The following FAM234B variants were observed in gnomAD, a reference collection of about 807,000 sequenced individuals.
FAM234B encodes the protein protein FAM234B.
In FAM234B, 33 loss-of-function variants were observed where a neutral mutation model predicts 69.3. The ratio of observed to expected loss-of-function variants is 0.48; its 90% CI spans 0.36 to 0.64. The LOEUF (loss-of-function observed/expected upper bound fraction) is 0.64, where lower values mean the gene tolerates loss of function less well. Ranked by LOEUF, FAM234B falls within the 30% of genes least tolerant of loss-of-function variation. The pLI is 0.00. For synonymous variants in FAM234B, 306 were observed against 306.9 expected (o/e 1.00, Z 0.03); for missense variants, 697 against 769.7 (o/e 0.91, Z 1.12).
At chr12:13,069,531 C>T (rs557289529) in intron 9 of FAM234B, among the ~76,000 whole-genome samples, 4 of 152,176 alleles carry the variant, frequency 2.6e-5, no homozygotes, top group South Asian at 2.1e-4. Flanking sequence ...CTCTACCATG[C>T]GGTGGAAAGT....
chr12:13,074,394 C>T (rs935497658), intron 10 of FAM234B, among the ~76,000 whole-genome samples: 1 of 152,070 alleles, frequency 6.6e-6, no homozygotes, highest in Non-Finnish European at 1.5e-5. Context: ...TTAATTTTGC[C>T]TAGGGTAATA....
At position 13,075,433 on chromosome 12, in the gene FAM234B, C is replaced by CTTT. The variant is rs59012504; in HGVS notation, c.1525-580_1525-578dup. 3.1e-3 allele frequency among the ~76,000 whole-genome samples: 422 copies of CTTT among 137,464 alleles called. 2 individuals carry two copies. Among genetic ancestry groups the CTTT allele is most frequent in the Admixed American group, 4.5e-3 (61 of 13,660 alleles). The allele number at this position is 137,464 out of a possible 152,430, so 90.2% of individuals were successfully genotyped here. A position where few individuals can be genotyped will look rare whatever the true frequency, so the allele number is the denominator to read the frequency against. ...TGTACATTGCCTTTTCTTTTCTTTT[C>CTTT]TTTTTTTTTTTTTTTATTTTTTGAG... On this transcript the variant is annotated intron_variant, in intron 10 of 12. Coordinates refer to ENST00000197268, the MANE Select transcript of FAM234B (RefSeq NM_020853.2).
intron 2 of FAM234B, among the ~76,000 whole-genome samples, chr12:13,056,448 T>C (rs1275721221): frequency 6.6e-6 from 1 of 152,232 alleles, no homozygotes; most frequent in Non-Finnish European, 1.5e-5. Flanking sequence ...GCTGTCTGAG[T>C]AATTCCAGCT....
chr12:13,069,315 T>C (rs1865076354), intron 9 of FAM234B, among the ~76,000 whole-genome samples: 1 of 152,206 alleles, frequency 6.6e-6, no homozygotes, highest in Admixed American at 6.5e-5. Flanking sequence ...ACAGCAGAAT[T>C]ACAGAGTTAC....
intron 5 of FAM234B, among the ~76,000 whole-genome samples, chr12:13,063,487 A>G (rs373248176): frequency 3.3e-4 from 51 of 152,354 alleles, no homozygotes; most frequent in African/African-American, 1.1e-3. Flanking sequence ...TTCATAAAAG[A>G]TACATAGGAA....
chr12:13,056,038 T>C, intron 2 of FAM234B, 92 bp downstream of exon 2: 1 of 1,324,930 alleles, frequency 7.5e-7, no homozygotes, highest in South Asian at 1.6e-5. Context: ...AAACTTAATA[T>C]GTGTCATGCG....
At chr12:13,061,806 A>G in intron 4 of FAM234B, 43 bp downstream of exon 4, 1 of 1,565,622 alleles carries the variant, frequency 6.4e-7, no homozygotes, top group Non-Finnish European at 8.7e-7. Flanking sequence ...CCTACGAGCC[A>G]TACTTTTGGA....
At chr12:13,063,472 C>G (rs1865006182) in intron 5 of FAM234B, among the ~76,000 whole-genome samples, 1 of 152,004 alleles carries the variant, frequency 6.6e-6, no homozygotes, top group South Asian at 2.1e-4. Context: ...CAGGCTGATA[C>G]AAAGTTCATA....
In FAM234B at chr12:13,080,494, G is replaced by C. The variant is rs1865212836; in HGVS notation, c.1864-131G>C. 6 of 697,466 alleles carry C rather than the reference G, an allele frequency of 8.6e-6. No individual in the cohort carries two copies. The South Asian group carries it at 1.2e-4, about 13-fold the overall frequency. The allele number at this position is 697,466 out of a possible 1,614,324, so 43.2% of individuals were successfully genotyped here. On this transcript the variant is annotated intron_variant, in intron 12 of 12. Coordinates refer to ENST00000197268, the MANE Select transcript of FAM234B (RefSeq NM_020853.2). ...CTGGGCCTTTCTGGAAGGAGGAAAT[G>C]TTTACAGACTATTGGAGCTAAAGAA...
intron 1 of FAM234B, among the ~76,000 whole-genome samples, chr12:13,046,615 A>G (rs973456556): frequency 2.6e-5 from 4 of 151,994 alleles, no homozygotes; most frequent in Non-Finnish European, 4.4e-5. Flanking sequence ...CATGCACCAC[A>G]ATGCCCAGCT....
rs3736209 is a variant in FAM234B, at chr12:13,076,372, C to T, written c.1642+229C>T. Among the ~76,000 whole-genome samples, 77,523 of 151,984 alleles carry T rather than the reference C, an allele frequency of 0.51. 20,728 individuals are homozygous for T. The highest frequency in any genetic ancestry group is 0.66 in the African/African-American group (27,289 of 41,462). ...TATGCTCTGAATGTGGAGGTGAAAG[C>T]GCGTCCCATTCCAAAGGGTCTGTAA... On this transcript the variant is annotated intron_variant, in intron 11 of 12. Coordinates refer to ENST00000197268, the MANE Select transcript of FAM234B (RefSeq NM_020853.2).
At chr12:13,051,118 A>G (rs577498292) in intron 1 of FAM234B, among the ~76,000 whole-genome samples, 1 of 152,326 alleles carries the variant, frequency 6.6e-6, no homozygotes, top group East Asian at 1.9e-4. Context: ...CACTTTTGCC[A>G]TCATTAACTA....
At chr12:13,076,172 G>C (rs186184639) in intron 11 of FAM234B, 29 bp downstream of exon 11, 57 of 1,480,176 alleles carry the variant, frequency 3.9e-5, no homozygotes, top group Non-Finnish European at 5.1e-5. Context: ...GGGAGTCTGT[G>C]TACGCAGATG....
At chr12:13,056,400 G>C (rs1864930765) in intron 2 of FAM234B, among the ~76,000 whole-genome samples, 2 of 152,170 alleles carry the variant, frequency 1.3e-5, no homozygotes, top group Non-Finnish European at 2.9e-5. Context: ...AAAGATAGTT[G>C]CTATCTTTTC....
At chr12:13,070,172 G>GATATATATATATATATAT (rs66463903) in intron 9 of FAM234B, among the ~76,000 whole-genome samples, 3 of 139,772 alleles carry the variant, frequency 2.1e-5, no homozygotes, top group African/African-American at 7.9e-5. Context: ...ATTAAAAAAA[G>GATATATATATATATATAT]ATATATATAT....
At chr12:13,062,237 A>G (rs1490635890) in intron 4 of FAM234B, 1 of 158,522 alleles carries the variant, frequency 6.3e-6, no homozygotes, top group Non-Finnish European at 1.4e-5. Flanking sequence ...AAAGAATAAC[A>G]TGTCCTGAAG....
chr12:13,071,349 G>A lies in FAM234B; in HGVS notation c.1477G>A (p.Val493Ile). The A allele has an allele frequency of 6.2e-7, 1 of 1,614,090 alleles. No homozygotes were observed. The highest frequency in any genetic ancestry group is 8.5e-7 in the Non-Finnish European group (1 of 1,179,926). Residue 493 changes from valine to isoleucine, a missense_variant, in exon 10 of 13, where the codon GTC becomes ATC. Val to Ile is a conservative substitution (Grantham distance 29). Coordinates refer to ENST00000197268, the MANE Select transcript of FAM234B (RefSeq NM_020853.2). ...AGCAGTTACTTCAGACCAGAAGTCT[G>A]TCTTCCTCTTCTGGGCCGAAGGGCT... is the stretch of plus-strand genomic sequence containing the variant. ...TSAVTSDQKS[V>I]FLFWAEGLSA...
intron 5 of FAM234B, among the ~76,000 whole-genome samples, chr12:13,063,204 T>G (rs1036845456): frequency 3.9e-5 from 6 of 152,180 alleles, no homozygotes; most frequent in African/African-American, 1.4e-4. Context: ...GCTTTAGAGT[T>G]AGTTAGGTCT....
chr12:13,056,687 G>GT (rs1412987797), intron 2 of FAM234B, among the ~76,000 whole-genome samples: 1 of 152,156 alleles, frequency 6.6e-6, no homozygotes, highest in Admixed American at 6.5e-5. Context: ...CTGAAGGCAA[G>GT]TTTCATTTAC....
Sources: gnomAD v4.1 joint callset for allele counts (sites outside exome capture counted in the v4.1 genomes callset) on GRCh38, gnomAD v4.1.1 for gene constraint, MANE v1.5 for transcripts, NCBI Gene and HGNC (gene_info 2026-07-23, HGNC 2026-07-21) for gene names.